Variants in NRXN2 observed in about 807,000 individuals in gnomAD.
NRXN2 encodes neurexin-2-beta.
Under a neutral mutation model 128.8 loss-of-function variants are expected in NRXN2, and 29 were observed. The ratio of observed to expected loss-of-function variants is 0.23; its 90% CI spans 0.17 to 0.31. The LOEUF is 0.31. Ranked by LOEUF, NRXN2 falls within the 10% of genes least tolerant of loss-of-function variation. The probability of loss-of-function intolerance (pLI) is 1.00; values close to 1 mark genes in which losing one functional copy is unlikely to be tolerated. For missense variants in NRXN2, 1,881 were observed against 2,452.6 expected, an observed-to-expected ratio of 0.77 and a Z score of 4.92; for synonymous variants, 1,098 against 1,075.2, an observed-to-expected ratio of 1.02 and a Z score of -0.41.
intron 2 of NRXN2, among the ~76,000 whole-genome samples, chr11:64,700,525 C>G (rs888215060): frequency 1.3e-5 from 2 of 152,180 alleles, no homozygotes; most frequent in Non-Finnish European, 2.9e-5. Flanking sequence ...CAACACAGAG[C>G]TCGGTGTTAT....
intron 9 of NRXN2, among the ~76,000 whole-genome samples, chr11:64,664,268 G>C (rs1055358181): frequency 6.6e-6 from 1 of 151,646 alleles, no homozygotes; most frequent in Non-Finnish European, 1.5e-5. Flanking sequence ...CTTGAGGTCA[G>C]GAGTTCAAGA....
In NRXN2 at chr11:64,714,614, C is replaced by G. The variant is rs183825876; in HGVS notation, c.-244-671G>C. Among the ~76,000 whole-genome samples, 1 of 152,228 alleles carries G rather than the reference C, an allele frequency of 6.6e-6. No homozygotes were observed. Among genetic ancestry groups the G allele is most frequent in the East Asian group, 1.9e-4 (1 of 5,182 alleles). On this transcript the variant is annotated intron_variant, in intron 1 of 22. Transcript: ENST00000265459. This position sits in a 1 kb window ranked among gnomAD's most constrained non-coding sequence, Gnocchi z 4.5. ...CGCTCACCCCTTCCCAGGCCCCAGC[C>G]TCACTGCTTACCAACCCAGGTCCTT...
In NRXN2 at chr11:64,623,152, A is replaced by G. The variant is rs2042614058; in HGVS notation, c.3848-74T>C. On this transcript the variant is annotated intron_variant, in intron 20 of 22. Coordinates refer to ENST00000265459, the MANE Select transcript of NRXN2 (RefSeq NM_015080.4). This position sits in a 1 kb window ranked among gnomAD's most constrained non-coding sequence, Gnocchi z 4.9. Reference sequence around the variant, plus strand: ...AGACCAGGAAGGGAAGGAAGAAAAGAAGGAAGCCAAGGAGAGGAAAGAGGA... The same window carrying G: ...AGACCAGGAAGGGAAGGAAGAAAAGGAGGAAGCCAAGGAGAGGAAAGAGGA... The G allele has an allele frequency of 7.9e-6, 12 of 1,514,586 alleles. No individual in the cohort carries two copies. The highest frequency in any genetic ancestry group is 1.1e-5 in the Non-Finnish European group (12 of 1,127,698). The allele number at this position is 1,514,586 out of a possible 1,614,324, so 93.8% of individuals were successfully genotyped here. A position where few individuals can be genotyped will look rare whatever the true frequency, so the allele number is the denominator to read the frequency against.
Position 64,607,688 on chromosome 11 carries a change from C to A in NRXN2, c.4647G>T (p.Val1549=). 1 of 1,535,780 alleles carries A rather than the reference C, an allele frequency of 6.5e-7. No homozygotes were observed. Among genetic ancestry groups the A allele is most frequent in the Admixed American group, 2.0e-5 (1 of 50,028 alleles). ...GGGCCGGGGCGGAGGGGGCAAACAG[C>A]ACCCCAGGGGCGCCCGTGGCCCCAT... ...RTDGATGAPG[V]LFAPSAPAPN... Residue 1549 remains valine (V), a synonymous_variant, in exon 23 of 23, where the codon GTG becomes GTT. Coordinates refer to ENST00000265459, the MANE Select transcript of NRXN2 (RefSeq NM_015080.4).
rs1441179523 is a variant in NRXN2 at position 64,607,113 on chromosome 11, G to A, written c.*83C>T. ...GAGGCAGCCAGGGAGAGGGTCCCCAGGCCCCTGGCAGGGAGAGGGTGGCAC... is the reference window on the plus strand; with the variant it reads ...GAGGCAGCCAGGGAGAGGGTCCCCAAGCCCCTGGCAGGGAGAGGGTGGCAC... On this transcript the variant is annotated 3_prime_UTR_variant, in exon 23 of 23. Transcript: ENST00000265459. 2.7e-6 allele frequency: 4 copies of A among 1,459,196 alleles called. No individual in the cohort carries two copies. The highest frequency in any genetic ancestry group is 2.8e-6 in the Non-Finnish European group (3 of 1,067,614). The allele number at this position is 1,459,196 out of a possible 1,614,324, so 90.4% of individuals were successfully genotyped here. A position where few individuals can be genotyped will look rare whatever the true frequency, so the allele number is the denominator to read the frequency against.
chr11:64,607,646 G>A lies in NRXN2; in HGVS notation c.4689C>T (p.Gly1563=). 2 of 1,516,104 alleles carry A rather than the reference G, an allele frequency of 1.3e-6. No homozygotes were observed. Among genetic ancestry groups the A allele is most frequent in the Non-Finnish European group, 8.8e-7 (1 of 1,130,754 alleles). 93.9% of individuals were successfully genotyped at this position (1,516,104 alleles called of 1,614,324 possible). The change falls in exon 23 of 23, where the codon GGC becomes GGT. Residue 1563 remains glycine (G), a synonymous_variant. Coordinates refer to ENST00000265459, the MANE Select transcript of NRXN2 (RefSeq NM_015080.4). ...PSAPAPNLPA[G]KMNHRDPLQP... is the part of the protein sequence containing the mutation. ...GAAGCGGGTCTCGGTGGTTCATTTT[G>A]CCCGCCGGCAGGTTGGGGGCCGGGG... is the stretch of plus-strand genomic sequence containing the variant.
intron 7 of NRXN2, among the ~76,000 whole-genome samples, chr11:64,674,173 G>A (rs538718649): frequency 1.3e-5 from 2 of 151,746 alleles, no homozygotes; most frequent in South Asian, 4.2e-4. Context: ...CTGGTTGTTG[G>A]CTTCTTCCTT....
chr11:64,615,092 A>T (rs1351264170), intron 22 of NRXN2, among the ~76,000 whole-genome samples: 1 of 152,228 alleles, frequency 6.6e-6, no homozygotes, highest in Non-Finnish European at 1.5e-5. Context: ...CCTTAAAGCT[A>T]GGCTGGGCCC....
intron 22 of NRXN2, among the ~76,000 whole-genome samples, chr11:64,613,143 T>C (rs747398934): frequency 9.9e-5 from 15 of 152,242 alleles, no homozygotes; most frequent in Admixed American, 2.0e-4. Flanking sequence ...TTGTGGCATA[T>C]GCACATGCAC....
In NRXN2 at chr11:64,607,995, G is replaced by A. The variant is rs1228955574; in HGVS notation, c.4340C>T (p.Pro1447Leu). 2.0e-6 allele frequency: 3 copies of A among 1,535,732 alleles called. No homozygotes were observed. The highest frequency in any genetic ancestry group is 2.6e-6 in the Non-Finnish European group (3 of 1,138,910). The change falls in exon 23 of 23, where the codon CCT becomes CTT. Residue 1447 changes from proline (P) to leucine (L), a missense_variant. Around this residue, in one of 7 missense-constraint regions of NRXN2, gnomAD observed 310 missense variants for 318.2 expected, o/e 0.97. Coordinates refer to ENST00000265459, the MANE Select transcript of NRXN2 (RefSeq NM_015080.4). ...TCCCGTGAGGAAGGGGTAGAAGGTA[G>A]GGGGCGGGGGCACGAAGGGGGATCG... ...ATRSPFVPPP[P>L]TFYPFLTGVG...
chr11:64,652,394 A>G (rs925816801), intron 12 of NRXN2, among the ~76,000 whole-genome samples: 4 of 152,104 alleles, frequency 2.6e-5, no homozygotes, highest in Admixed American at 1.3e-4. Flanking sequence ...CCAGTCATAC[A>G]TCCACTCTCA....
intron 2 of NRXN2, among the ~76,000 whole-genome samples, chr11:64,704,623 CAGAGAGAGAGAGAGAGAGAGAGAGAGAG>C (rs61394963): frequency 1.2e-5 from 1 of 81,178 alleles, no homozygotes; most frequent in African/African-American, 4.7e-5. Context: ...CACACACACA[CAGAGAGAGAGAGAGAGAGAGAGAGAGAG>C]AGAGAGAGAG....
chr11:64,663,560 T>A (rs191274629), intron 9 of NRXN2, among the ~76,000 whole-genome samples: 78 of 152,078 alleles, frequency 5.1e-4, no homozygotes, highest in African/African-American at 1.6e-3. Context: ...TACCCACACC[T>A]CTATTTATAG....
chr11:64,664,603 T>C (rs906441729), intron 9 of NRXN2, among the ~76,000 whole-genome samples: 1 of 152,090 alleles, frequency 6.6e-6, no homozygotes, highest in African/African-American at 2.4e-5. Context: ...TTTACCACAA[T>C]TGCAAAAACA....
intron 17 of NRXN2, among the ~76,000 whole-genome samples, chr11:64,645,712 G>T (rs905845861): frequency 1.3e-5 from 2 of 152,096 alleles, no homozygotes; most frequent in Non-Finnish European, 2.9e-5. Context: ...GTCACAGATG[G>T]AGAAATTGAG....
At chr11:64,701,902 TG>T (rs71579892) in intron 2 of NRXN2, among the ~76,000 whole-genome samples, 38,178 of 100,262 alleles carry the variant, frequency 0.38, 7,563 homozygotes, top group African/African-American at 0.62. Context: ...GGGAGGGAGG[TG>T]GGGGGGGTCA....
chr11:64,630,412 C>T lies in NRXN2; in HGVS notation c.3747G>A (p.Arg1249=), dbSNP rs1303868361. The part of the protein sequence containing the change: ...LQVDSWPVNE[R]YPAGNFDNER... ...GCCCGCGCCGCCTACCTGCCGGGTA[C>T]CGCTCGTTGACCGGCCAGCTGTCCA... Residue 1249 remains arginine, a synonymous_variant, in exon 19 of 23, where the codon CGG becomes CGA. Coordinates refer to ENST00000265459, the MANE Select transcript of NRXN2 (RefSeq NM_015080.4). This position sits in a 1 kb window ranked among gnomAD's most constrained non-coding sequence, Gnocchi z 4.6. The T allele has an allele frequency of 3.7e-6, 6 of 1,611,758 alleles. No homozygotes were observed. The highest frequency in any genetic ancestry group is 1.3e-5 in the African/African-American group (1 of 74,894).
chr11:64,665,008 C>T (rs368734104), intron 9 of NRXN2, among the ~76,000 whole-genome samples: 6 of 142,458 alleles, frequency 4.2e-5, no homozygotes, highest in Non-Finnish European at 7.5e-5. Flanking sequence ...AAAGGCCGGG[C>T]GCGGTGGCTC....
intron 17 of NRXN2, chr11:64,643,050 G>A (rs2045987717): frequency 1.0e-6 from 1 of 997,078 alleles, no homozygotes; most frequent in Non-Finnish European, 1.2e-6. Context: ...AGGAGCTAGG[G>A]GTCTCTCTGC....
Sources: allele counts gnomAD v4.1 joint callset (sites outside exome capture counted in the v4.1 genomes callset), GRCh38; gene constraint gnomAD v4.1.1; regional missense constraint gnomAD v4.1.1; non-coding constraint Gnocchi (gnomAD v3.1); transcripts MANE v1.5; gene names NCBI Gene and HGNC (gene_info 2026-07-23, HGNC 2026-07-21).